GBF1: variants seen among roughly 807,000 people sequenced by gnomAD.
GBF1 encodes golgi brefeldin A resistant guanine nucleotide exchange factor 1.
GBF1 carries 114 observed loss-of-function variants against 210.5 expected under a neutral mutation model. That is an observed-to-expected ratio of 0.54 (90% CI 0.47 to 0.63). The LOEUF (loss-of-function observed/expected upper bound fraction) is 0.63, where lower values mean the gene tolerates loss of function less well. GBF1 is among the 30% of genes least tolerant of loss of function. The pLI is 0.00. For synonymous variants in GBF1, 850 were observed against 889.2 expected, an observed-to-expected ratio of 0.96 and a Z score of 0.78; for missense variants, 1,851 against 2,357.7, an observed-to-expected ratio of 0.79 and a Z score of 4.45.
rs539661395 is a variant in GBF1, at chr10:102,370,843, G to C, written c.3643G>C (p.Glu1215Gln). 5 of 1,614,150 alleles carry C rather than the reference G, an allele frequency of 3.1e-6. No individual in the cohort carries two copies. Among genetic ancestry groups the C allele is most frequent in the Non-Finnish European group, 4.2e-6 (5 of 1,179,968 alleles). The change falls in exon 29 of 40, where the codon GAA becomes CAA. Residue 1215 changes from glutamate (E) to glutamine (Q), a missense_variant. Physicochemically the swap from Glu to Gln is conservative, Grantham distance 29. Around this residue, in one of 3 missense-constraint regions of GBF1, gnomAD observed 967 missense variants for 1,247.7 expected, o/e 0.78. Coordinates refer to ENST00000369983, the MANE Select transcript of GBF1 (RefSeq NM_001377137.1). ...LRLAIRLLRR[E>Q]EISAQVLLSL... ...CCTGGCCATTCGGCTTCTCCGGAGA[G>C]AAGAGATCAGTGCTCAGGTAAGCAG...
intron 37 of GBF1, 38 bp downstream of exon 37, chr10:102,380,400 CCA>C (rs1418521156): frequency 6.3e-7 from 1 of 1,578,026 alleles, no homozygotes; most frequent in Non-Finnish European, 8.7e-7. Flanking sequence ...GCCTCCTGTC[CCA>C]CCTGTTGGAA....
upstream of GBF1, among the ~76,000 whole-genome samples, chr10:102,242,156 C>T (rs1015948849): frequency 6.6e-6 from 1 of 152,224 alleles, no homozygotes; most frequent in African/African-American, 2.4e-5. Context: ...TCCTCTTCTT[C>T]ATTTCCCCCT....
chr10:102,274,345 A>AT (rs2074718179), intron 3 of GBF1, among the ~76,000 whole-genome samples: 1 of 151,752 alleles, frequency 6.6e-6, no homozygotes, highest in Non-Finnish European at 1.5e-5. Context: ...CCTGTGCCCT[A>AT]GCCCTGCCTG....
At chr10:102,312,055 G>A (rs1478761346) in intron 3 of GBF1, among the ~76,000 whole-genome samples, 1 of 152,138 alleles carries the variant, frequency 6.6e-6, no homozygotes, top group African/African-American at 2.4e-5. Flanking sequence ...ACTTTGGGAG[G>A]TCAAGGCAGG....
At chr10:102,334,555 A>G (rs1441721345) in intron 3 of GBF1, among the ~76,000 whole-genome samples, 5 of 152,174 alleles carry the variant, frequency 3.3e-5, no homozygotes, top group Non-Finnish European at 7.3e-5. Flanking sequence ...AGAGAAAATA[A>G]TGTCAAGATT....
chr10:102,380,697 C>T lies in GBF1; in HGVS notation c.5173+11C>T. On this transcript the variant is annotated intron_variant, in intron 38 of 39. Transcript: ENST00000369983. ...AGACCGTCATCCAGGGTAGGGGGCT[C>T]AGCCCAGCTTTATCAAAAAGAGTCT... 1 of 1,594,758 alleles carries T rather than the reference C, an allele frequency of 6.3e-7. No homozygotes were observed. The highest frequency in any genetic ancestry group is 1.1e-5 in the South Asian group (1 of 88,510).
chr10:102,280,917 T>A (rs2075421515), intron 3 of GBF1, among the ~76,000 whole-genome samples: 1 of 152,212 alleles, frequency 6.6e-6, no homozygotes, highest in South Asian at 2.1e-4. Context: ...TTGTCTTTCG[T>A]CTGAGAAACA....
intron 3 of GBF1, among the ~76,000 whole-genome samples, chr10:102,313,798 A>C (rs891832770): frequency 7.9e-5 from 12 of 152,208 alleles, no homozygotes; most frequent in Admixed American, 2.6e-4. Flanking sequence ...GCTAGGCAGA[A>C]TCAGCAGCAA....
chr10:102,269,972 G>A (rs536149169), intron 3 of GBF1, among the ~76,000 whole-genome samples: 2 of 151,588 alleles, frequency 1.3e-5, no homozygotes, highest in East Asian at 1.9e-4. Flanking sequence ...TCTGCCTTCC[G>A]GGTTCACGCC....
At chr10:102,279,696 A>C (rs919214649) in intron 3 of GBF1, among the ~76,000 whole-genome samples, 1 of 152,148 alleles carries the variant, frequency 6.6e-6, no homozygotes, top group African/African-American at 2.4e-5. Context: ...CCAAAAGCAG[A>C]GAGAAAAAGA....
At chr10:102,361,591 G>T (rs1295574269) in intron 13 of GBF1, 127 bp from the exon 14 acceptor site, 3 of 612,388 alleles carry the variant, frequency 4.9e-6, no homozygotes, top group African/African-American at 1.9e-5. Context: ...ATACCTTTGG[G>T]TGTCTCTTAA....
chr10:102,313,290 G>A (rs953353552), intron 3 of GBF1, among the ~76,000 whole-genome samples: 1 of 152,138 alleles, frequency 6.6e-6, no homozygotes, highest in Non-Finnish European at 1.5e-5. Context: ...ACTGCAGTCA[G>A]TATACTTCTT....
intron 4 of GBF1, among the ~76,000 whole-genome samples, chr10:102,349,985 C>T (rs1305160848): frequency 1.3e-5 from 2 of 152,110 alleles, no homozygotes; most frequent in African/African-American, 4.8e-5. Context: ...TTTTTCTCTC[C>T]TAATGCCTGT....
chr10:102,297,195 T>C (rs71471241), intron 3 of GBF1, among the ~76,000 whole-genome samples: 12,021 of 152,304 alleles, frequency 0.079, 640 homozygotes, highest in Non-Finnish European at 0.12. Flanking sequence ...CTGCTGTGTG[T>C]GGGCTTTAAC....
intron 1 of GBF1, among the ~76,000 whole-genome samples, chr10:102,251,518 A>G (rs575096166): frequency 6.6e-6 from 1 of 152,272 alleles, no homozygotes; most frequent in East Asian, 1.9e-4. Context: ...ACACTAAATA[A>G]ATAATTATAA....
At chr10:102,349,871 C>G (rs1464198478) in intron 4 of GBF1, among the ~76,000 whole-genome samples, 1 of 152,086 alleles carries the variant, frequency 6.6e-6, no homozygotes, top group Non-Finnish European at 1.5e-5. Flanking sequence ...AGCGTGGTGC[C>G]GGTTGTCTGA....
At chr10:102,355,266 G>C (rs1288725235) in intron 8 of GBF1, among the ~76,000 whole-genome samples, 2 of 152,212 alleles carry the variant, frequency 1.3e-5, no homozygotes, top group Non-Finnish European at 2.9e-5. Context: ...TAGCTAGATA[G>C]TCCATTGGCC....
At chr10:102,331,851 A>ATTTTTTT (rs869198412) in intron 3 of GBF1, among the ~76,000 whole-genome samples, 8 of 85,318 alleles carry the variant, frequency 9.4e-5, no homozygotes, top group Non-Finnish European at 1.5e-4. Flanking sequence ...TACCTGGCTA[A>ATTTTTTT]TTTTTTTTTT....
chr10:102,272,831 T>C (rs774621259), intron 3 of GBF1, among the ~76,000 whole-genome samples: 1 of 152,222 alleles, frequency 6.6e-6, no homozygotes, highest in African/African-American at 2.4e-5. Context: ...GTCTGCCTCC[T>C]CCTAGGGGCT....
Sources: gnomAD v4.1 joint callset for allele counts (sites outside exome capture counted in the v4.1 genomes callset) on GRCh38, gnomAD v4.1.1 for gene constraint, gnomAD v4.1.1 regional missense constraint, MANE v1.5 for transcripts, NCBI Gene and HGNC (gene_info 2026-07-23, HGNC 2026-07-21) for gene names.